PEBP4: variants seen among roughly 807,000 people sequenced by gnomAD.
PEBP4 encodes phosphatidylethanolamine-binding protein 4.
In PEBP4, 22 loss-of-function variants were observed where a neutral mutation model predicts 23.9. That is an observed-to-expected ratio of 0.92 (90% confidence interval 0.66 to 1.31). PEBP4 has a LOEUF of 1.31. Ranked by LOEUF, PEBP4 falls within the 40% of genes most tolerant of loss-of-function variation. The pLI is 0.00. For missense variants in PEBP4, 324 were observed against 281.7 expected (o/e 1.15, Z -1.07); for synonymous variants, 112 against 99.3 (o/e 1.13, Z -0.76).
At chr8:22,752,977 C>T (rs1407163430) in intron 4 of PEBP4, among the ~76,000 whole-genome samples, 1 of 152,184 alleles carries the variant, frequency 6.6e-6, no homozygotes, top group Non-Finnish European at 1.5e-5. Context: ...GCTATGTCTC[C>T]TCTTTTCCCC....
chr8:22,938,843 C>T (rs1027617499), intron 1 of PEBP4, among the ~76,000 whole-genome samples: 1 of 152,198 alleles, frequency 6.6e-6, no homozygotes, highest in Non-Finnish European at 1.5e-5. Context: ...TCTCTGCATT[C>T]CCCACAGCAC....
chr8:22,906,079 C>T (rs139398437), intron 3 of PEBP4, among the ~76,000 whole-genome samples: 79 of 152,254 alleles, frequency 5.2e-4, no homozygotes, highest in Middle Eastern at 6.8e-3. Flanking sequence ...AGGAGAAATG[C>T]TATGGAGGTG....
In PEBP4 at chr8:22,727,214, C is replaced by G; in HGVS notation, c.364G>C (p.Asp122His). The change falls in exon 5 of 7, where the codon GAC becomes CAC. Residue 122 changes from aspartate (D) to histidine (H), a missense_variant. By Grantham distance (81) the Asp-to-His change is moderately conservative (BLOSUM62 -1). Coordinates refer to ENST00000256404, the MANE Select transcript of PEBP4 (RefSeq NM_144962.3). ...CCCTGAATCTTCCCTTTCTTCAGGT[C>G]GGCGCCCTGAAAGAAGAGACAAGCA... ...HWLVTDIKGADLKKGKIQGQE... is the reference protein window; with the variant it reads ...HWLVTDIKGAHLKKGKIQGQE... 1 of 1,613,640 alleles carries G rather than the reference C, an allele frequency of 6.2e-7. No homozygotes were observed. Among genetic ancestry groups the G allele is most frequent in the South Asian group, 1.1e-5 (1 of 90,882 alleles).
chr8:22,928,249 T>C (rs1809394588), upstream of PEBP4, among the ~76,000 whole-genome samples: 1 of 152,208 alleles, frequency 6.6e-6, no homozygotes, highest in Non-Finnish European at 1.5e-5. Context: ...CTCCACAGCC[T>C]GTGAGCTTCC....
chr8:22,838,249 T>G (rs1807247523), intron 3 of PEBP4, among the ~76,000 whole-genome samples: 1 of 152,192 alleles, frequency 6.6e-6, no homozygotes, highest in Non-Finnish European at 1.5e-5. Context: ...TTGTTGCTCC[T>G]GAAGTGCCTA....
chr8:22,876,969 T>C (rs906404622), intron 3 of PEBP4, among the ~76,000 whole-genome samples: 1 of 152,232 alleles, frequency 6.6e-6, no homozygotes, highest in Non-Finnish European at 1.5e-5. Flanking sequence ...TCATTAAGTC[T>C]TTGCCAGGAC....
intron 3 of PEBP4, among the ~76,000 whole-genome samples, chr8:22,904,510 G>A (rs940676483): frequency 7.9e-5 from 12 of 152,116 alleles, no homozygotes; most frequent in African/African-American, 2.4e-4. Context: ...TTCACCCCCC[G>A]TCCCCCATAG....
chr8:22,914,209 T>C (rs1014508841), intron 3 of PEBP4, among the ~76,000 whole-genome samples: 2 of 152,070 alleles, frequency 1.3e-5, no homozygotes, highest in Non-Finnish European at 2.9e-5. Context: ...GCTGATCTCC[T>C]GACTTCAAGT....
At chr8:22,714,784 A>G (rs1312719025) in intron 6 of PEBP4, among the ~76,000 whole-genome samples, 1 of 151,968 alleles carries the variant, frequency 6.6e-6, no homozygotes, top group Non-Finnish European at 1.5e-5. Flanking sequence ...CACCCTTTTC[A>G]TAGCAATTAA....
chr8:22,725,470 A>G (rs368507337), intron 5 of PEBP4, among the ~76,000 whole-genome samples: 6 of 151,196 alleles, frequency 4.0e-5, no homozygotes, highest in Non-Finnish European at 8.9e-5. Context: ...AGGTTTGATC[A>G]TGGGAGCTGT....
At chr8:22,720,997 C>T (rs1469090843) in intron 6 of PEBP4, among the ~76,000 whole-genome samples, 1 of 152,172 alleles carries the variant, frequency 6.6e-6, no homozygotes, top group African/African-American at 2.4e-5. Context: ...GAGGAAGGAG[C>T]TGTGCAAAGG....
upstream of PEBP4, among the ~76,000 whole-genome samples, chr8:22,929,259 G>A (rs1563265610): frequency 6.6e-6 from 1 of 152,146 alleles, no homozygotes; most frequent in Non-Finnish European, 1.5e-5. Flanking sequence ...CACCTCCCAC[G>A]TGCCTGCCCC....
In PEBP4 at chr8:22,861,841, T is replaced by C. The variant is rs1014889888; in HGVS notation, c.259-44106A>G. On this transcript the variant is annotated intron_variant, in intron 3 of 6. Transcript: ENST00000256404. ...AAAATGAAAAGAAACAGAAAATGGG[T>C]TCAGTTGCCACTTATAATAACCTAG... Among the ~76,000 whole-genome samples the C allele has an allele frequency of 3.9e-5, 6 of 152,240 alleles. No individual in the cohort carries two copies. The South Asian group carries it at 1.2e-3, about 32-fold the overall frequency.
chr8:22,733,657 G>A (rs1004466708), intron 4 of PEBP4, among the ~76,000 whole-genome samples: 5 of 152,120 alleles, frequency 3.3e-5, no homozygotes, highest in African/African-American at 1.2e-4. Context: ...GTGAGGGAGA[G>A]GACTTAATCT....
chr8:22,904,879 T>C (rs1400215977), intron 3 of PEBP4, among the ~76,000 whole-genome samples: 2 of 152,218 alleles, frequency 1.3e-5, no homozygotes, highest in Non-Finnish European at 2.9e-5. Context: ...CAATCTATTG[T>C]TGAACATTTA....
intron 4 of PEBP4, among the ~76,000 whole-genome samples, chr8:22,799,661 G>A (rs565110065): frequency 5.3e-5 from 8 of 152,280 alleles, no homozygotes; most frequent in South Asian, 2.1e-4. Flanking sequence ...CCATTAACTC[G>A]TCATTTACAT....
At chr8:22,761,074 C>T (rs1218712557) in intron 4 of PEBP4, among the ~76,000 whole-genome samples, 1 of 152,184 alleles carries the variant, frequency 6.6e-6, no homozygotes, top group African/African-American at 2.4e-5. Flanking sequence ...CCTCCTGGCC[C>T]CCTCTGCCCA....
intron 3 of PEBP4, among the ~76,000 whole-genome samples, chr8:22,908,725 C>T (rs74682177): frequency 0.15 from 22,245 of 152,112 alleles, 1,833 homozygotes; most frequent in Middle Eastern, 0.2. Flanking sequence ...GCTAGGTATT[C>T]GTACTCAGGA....
chr8:22,928,811 G>A (rs1362019746), upstream of PEBP4, among the ~76,000 whole-genome samples: 1 of 152,120 alleles, frequency 6.6e-6, no homozygotes, highest in African/African-American at 2.4e-5. Flanking sequence ...AATAATTCCT[G>A]TCACCGTGGT....
Sources: allele counts gnomAD v4.1 joint callset (sites outside exome capture counted in the v4.1 genomes callset), GRCh38; gene constraint gnomAD v4.1.1; transcripts MANE v1.5; gene names NCBI Gene and HGNC (gene_info 2026-07-23, HGNC 2026-07-21).